The following PPP1R42 variants were observed in gnomAD, a reference collection of about 807,000 sequenced individuals.
PPP1R42 encodes leucine rich repeat containing 67.
Under a neutral mutation model 31.0 loss-of-function variants are expected in PPP1R42, and 34 were observed. The ratio of observed to expected loss-of-function variants is 1.10; its 90% CI spans 0.83 to 1.46. The LOEUF (loss-of-function observed/expected upper bound fraction) is 1.46, where lower values mean the gene tolerates loss of function less well. Ranked by LOEUF, PPP1R42 falls within the 40% of genes most tolerant of loss-of-function variation. PPP1R42 has a pLI of 0.00. For missense variants in PPP1R42, 268 were observed against 303.0 expected (o/e 0.88, Z 0.86); for synonymous variants, 103 against 109.8 (o/e 0.94, Z 0.39).
chr8:67,023,342 G>A (rs1029399515), intron 1 of PPP1R42, among the ~76,000 whole-genome samples: 4 of 151,990 alleles, frequency 2.6e-5, no homozygotes, highest in Admixed American at 6.6e-5. Flanking sequence ...ACTCTTGGGC[G>A]AAAGCAATCC....
chr8:67,014,387 T>A, intron 3 of PPP1R42, 39 bp downstream of exon 3: 1 of 1,276,976 alleles, frequency 7.8e-7, no homozygotes, highest in Non-Finnish European at 1.1e-6. Context: ...ACCATAATCA[T>A]AAAAATCAGA....
At chr8:66,986,219 C>T in intron 6 of PPP1R42, 1 of 546,358 alleles carries the variant, frequency 1.8e-6, no homozygotes, top group Admixed American at 2.4e-5. Flanking sequence ...GGATTACAGG[C>T]GTGAGCCACC....
chr8:67,017,072 T>C (rs1259667574), intron 2 of PPP1R42, among the ~76,000 whole-genome samples: 2 of 152,212 alleles, frequency 1.3e-5, no homozygotes, highest in East Asian at 1.9e-4. Context: ...ATTTAATCTA[T>C]GTATTTAAAA....
intron 6 of PPP1R42, chr8:66,985,722 C>T: frequency 7.5e-7 from 1 of 1,327,794 alleles, no homozygotes; most frequent in Non-Finnish European, 1.1e-6. Flanking sequence ...GAGTCTTTGG[C>T]TGAGGTGTAG....
At chr8:67,001,223 A>ATT (rs1170169699) in intron 5 of PPP1R42, among the ~76,000 whole-genome samples, 3 of 137,162 alleles carry the variant, frequency 2.2e-5, no homozygotes, top group African/African-American at 8.0e-5. Flanking sequence ...GTACCATTGG[A>ATT]TTTTTTTTTT....
chr8:67,025,883 T>C (rs1816378430), intron 1 of PPP1R42, among the ~76,000 whole-genome samples: 2 of 151,374 alleles, frequency 1.3e-5, no homozygotes, highest in African/African-American at 4.9e-5. Flanking sequence ...CACATGCCTA[T>C]AATCCCAGCT....
At chr8:67,026,843 C>T (rs1280481035) in intron 1 of PPP1R42, 1 of 150,046 alleles carries the variant, frequency 6.7e-6, no homozygotes, top group African/African-American at 2.4e-5. Context: ...AAACAAAAAA[C>T]AAAAAACAGA....
chr8:67,025,265 TTAA>T (rs1422692796), intron 1 of PPP1R42, among the ~76,000 whole-genome samples: 5 of 151,754 alleles, frequency 3.3e-5, no homozygotes, highest in Non-Finnish European at 7.4e-5. Context: ...TCATCTAAGC[TTAA>T]TAAGGAGGTT....
chr8:67,025,036 C>T (rs1009732809), intron 1 of PPP1R42, among the ~76,000 whole-genome samples: 9 of 150,784 alleles, frequency 6.0e-5, no homozygotes, highest in African/African-American at 1.7e-4. Context: ...TTCCTGGGCT[C>T]AAGTGATTCT....
intron 2 of PPP1R42, among the ~76,000 whole-genome samples, chr8:67,015,328 T>C (rs571934487): frequency 1.4e-4 from 21 of 152,312 alleles, no homozygotes; most frequent in Admixed American, 8.5e-4. Context: ...CATAGATTAA[T>C]TTTTTAAAAA....
In PPP1R42 at chr8:66,985,495, C is replaced by A. The variant is rs1585646316; in HGVS notation, c.670+2905G>T. ...AGGTTTAATTTGGTCTTTTAACTCC[C>A]CCTTTGGGGAAGCAATGCCCATGTC... On this transcript the variant is annotated intron_variant, in intron 6 of 7. Transcript: ENST00000685739. 12 of 1,116,524 alleles carry A rather than the reference C, an allele frequency of 1.1e-5. No individual in the cohort carries two copies. In the East Asian group the frequency reaches 2.6e-4, roughly 24 times the overall value. 69.2% of individuals were successfully genotyped at this position (1,116,524 alleles called of 1,614,324 possible).
At chr8:67,016,400 A>G (rs1816018206) in intron 2 of PPP1R42, among the ~76,000 whole-genome samples, 1 of 152,200 alleles carries the variant, frequency 6.6e-6, no homozygotes. Context: ...ACTGTAGACA[A>G]CAGATACCAA....
chr8:67,000,424 T>G (rs995865004), intron 5 of PPP1R42, among the ~76,000 whole-genome samples: 6 of 152,212 alleles, frequency 3.9e-5, no homozygotes, highest in African/African-American at 1.4e-4. Flanking sequence ...TCTTTGTGAT[T>G]TCTATGGACT....
chr8:66,984,015 C>G, intron 6 of PPP1R42: 2 of 1,041,590 alleles, frequency 1.9e-6, no homozygotes, highest in Non-Finnish European at 2.9e-6. Context: ...CCCTTTGTCC[C>G]AATGTCTGCT....
intron 1 of PPP1R42, among the ~76,000 whole-genome samples, chr8:67,018,083 T>C (rs771048486): frequency 3.3e-5 from 5 of 152,002 alleles, no homozygotes; most frequent in African/African-American, 9.7e-5. Flanking sequence ...TCTTCCTGAG[T>C]AGTATTTGAA....
At position 66,985,396 on chromosome 8, in the gene PPP1R42, A is replaced by G. The variant is rs1023186990; in HGVS notation, c.670+3004T>C. ...AGCACGAATATTGGCAGGAGTAGAC[A>G]TGCAGTGTGTCAGCTCAATCTCCTT... On this transcript the variant is annotated intron_variant, in intron 6 of 7. Transcript: ENST00000685739. 1.6e-5 allele frequency: 12 copies of G among 745,150 alleles called. No homozygotes were observed. In the East Asian group the frequency reaches 2.0e-4, roughly 12 times the overall value. The allele number at this position is 745,150 out of a possible 1,614,324, so 46.2% of individuals were successfully genotyped here.
Position 66,978,276 on chromosome 8 carries a change from A to T in PPP1R42, c.802+3773T>A, listed in dbSNP as rs1373352250. 3.9e-5 allele frequency among the ~76,000 whole-genome samples: 6 copies of T among 152,124 alleles called. 1 individual carries two copies. Among genetic ancestry groups the T allele is most frequent in the Non-Finnish European group, 8.8e-5 (6 of 68,022 alleles). On this transcript the variant is annotated intron_variant, in intron 7 of 7. Coordinates refer to ENST00000685739, the MANE Select transcript of PPP1R42 (RefSeq NM_001364910.1). ...ACTGCTTATAAAATCATCAGATCTC[A>T]TGAGACTTATCCACTATCACAAGAA... is the stretch of plus-strand genomic sequence containing the variant.
intron 5 of PPP1R42, among the ~76,000 whole-genome samples, chr8:67,010,055 G>A (rs1405548967): frequency 6.6e-6 from 1 of 152,174 alleles, no homozygotes; most frequent in Non-Finnish European, 1.5e-5. Context: ...ATAGCCCTAG[G>A]CTGACTTAGG....
rs1222217101 is a variant in PPP1R42, at chr8:66,968,401, T to C, written c.803-4067A>G. On this transcript the variant is annotated intron_variant, in intron 7 of 7. Transcript: ENST00000685739. ...GAACCCTAAAGGAGTGTGGGGCACA[T>C]ACCTTTAGCTTTTTGGAAGATGCAC... The C allele has an allele frequency of 4.6e-6, 4 of 866,474 alleles. No individual in the cohort carries two copies. The Admixed American group carries it at 2.5e-4, about 54-fold the overall frequency. The allele number at this position is 866,474 out of a possible 1,614,324, so 53.7% of individuals were successfully genotyped here.
Sources: gnomAD v4.1 joint callset for allele counts (sites outside exome capture counted in the v4.1 genomes callset) on GRCh38, gnomAD v4.1.1 for gene constraint, MANE v1.5 for transcripts, NCBI Gene and HGNC (gene_info 2026-07-23, HGNC 2026-07-21) for gene names.